The following ADCY9 variants were observed in gnomAD, a reference collection of about 807,000 sequenced individuals.
ADCY9 encodes the protein adenylate cyclase type 9.
In ADCY9, 50 loss-of-function variants were observed where a neutral mutation model predicts 101.5. The ratio of observed to expected loss-of-function variants is 0.49; its 90% CI spans 0.39 to 0.62. The LOEUF is 0.62. ADCY9 is among the 20% of genes least tolerant of loss of function. The pLI is 0.00. For missense variants in ADCY9, 1,662 were observed against 1,800.4 expected (o/e 0.92, Z 1.39); for synonymous variants, 905 against 769.3 (o/e 1.18, Z -2.92).
At chr16:4,085,299 T>C (rs773377920) in intron 2 of ADCY9, among the ~76,000 whole-genome samples, 2 of 151,792 alleles carry the variant, frequency 1.3e-5, no homozygotes, top group Non-Finnish European at 2.9e-5. Flanking sequence ...GACGCAGAGA[T>C]TGCCATGAGC....
intron 2 of ADCY9, among the ~76,000 whole-genome samples, chr16:4,097,543 ATATATATATATTTTTT>A (rs1375589421): frequency 1.9e-5 from 1 of 52,404 alleles, no homozygotes; most frequent in African/African-American, 8.8e-5. Context: ...ATATATATAT[ATATATATATATTTTTT>A]TTTTTTTTTT....
chr16:4,074,589 C>T (rs6500578), intron 2 of ADCY9, among the ~76,000 whole-genome samples: 97,814 of 150,682 alleles, frequency 0.65, 33,750 homozygotes, highest in East Asian at 0.9. Flanking sequence ...TGGTGGTGTA[C>T]GCCTATATTC....
rs1034731992 is a variant in ADCY9, at chr16:3,997,161, G to A, written c.1885-3651C>T. Among the ~76,000 whole-genome samples the A allele has an allele frequency of 5.9e-5, 9 of 152,188 alleles. No individual in the cohort carries two copies. The East Asian group carries it at 9.6e-4, about 16-fold the overall frequency. On this transcript the variant is annotated intron_variant, in intron 3 of 10. Transcript: ENST00000294016. ...ATTACAGGCGTGAGCCACCGTGCCCGGCCAACCCTCCTGTGCTTTAAGACG... is the reference window on the plus strand; with the variant it reads ...ATTACAGGCGTGAGCCACCGTGCCCAGCCAACCCTCCTGTGCTTTAAGACG...
chr16:4,085,286 T>C (rs2056930593), intron 2 of ADCY9, among the ~76,000 whole-genome samples: 1 of 152,008 alleles, frequency 6.6e-6, no homozygotes, highest in Non-Finnish European at 1.5e-5. Flanking sequence ...CACTTAAGCC[T>C]GGGACGCAGA....
At chr16:3,967,689 C>T (rs1051077638) in intron 10 of ADCY9, among the ~76,000 whole-genome samples, 27 of 145,278 alleles carry the variant, frequency 1.9e-4, no homozygotes, top group African/African-American at 6.9e-4. Flanking sequence ...TGTGCTTGGC[C>T]TAACATCTTT....
Position 4,010,421 on chromosome 16 carries a change from C to T in ADCY9, c.1694-2863G>A, listed in dbSNP as rs111998218. On this transcript the variant is annotated intron_variant, in intron 2 of 10. Coordinates refer to ENST00000294016, the MANE Select transcript of ADCY9 (RefSeq NM_001116.4). ...CACGGGGAGCACGGAGTGGCAGCGG[C>T]GGCCTCTGCTCACAAGCTGGGCACG... Among the ~76,000 whole-genome samples, 21 of 152,356 alleles carry T rather than the reference C, an allele frequency of 1.4e-4. 2 individuals are homozygous for T. Among genetic ancestry groups the T allele is most frequent in the African/African-American group, 4.8e-4 (20 of 41,590 alleles).
intron 2 of ADCY9, among the ~76,000 whole-genome samples, chr16:4,113,383 A>T (rs1320410135): frequency 6.6e-6 from 1 of 152,206 alleles, no homozygotes; most frequent in Non-Finnish European, 1.5e-5. Context: ...AGGGTGACCA[A>T]ATGAATGCAA....
In ADCY9 at chr16:4,115,082, A is replaced by C; in HGVS notation, c.361T>G (p.Phe121Val). ...QTQRRFRYAL[F>V]YIGFACLLWS... The stretch of plus-strand genomic sequence containing the variant: ...AGAAGGCAGGCGAAGCCGATGTAGA[A>C]GAGCGCATACCGGAACCGGCGCTGG... Residue 121 changes from phenylalanine (F) to valine (V), a missense_variant, in exon 2 of 11, where the codon TTC (phenylalanine) becomes GTC (valine). By Grantham distance (50) the Phe-to-Val change is conservative (BLOSUM62 -1). Coordinates refer to ENST00000294016, the MANE Select transcript of ADCY9 (RefSeq NM_001116.4). The surrounding 1 kb of genome is among the most constrained non-coding windows in gnomAD (Gnocchi z 6.2). The C allele has an allele frequency of 1.9e-6, 3 of 1,614,042 alleles. No individual in the cohort carries two copies. Among genetic ancestry groups the C allele is most frequent in the Non-Finnish European group, 2.5e-6 (3 of 1,180,040 alleles).
intron 3 of ADCY9, 56 bp downstream of exon 3, chr16:4,007,312 A>C: frequency 5.3e-4 from 687 of 1,296,954 alleles, no homozygotes; most frequent in Non-Finnish European, 6.5e-4. Context: ...CACGTGCTCT[A>C]CTGCAGAATT....
chr16:4,066,289 T>G (rs2056800830), intron 2 of ADCY9, among the ~76,000 whole-genome samples: 1 of 152,214 alleles, frequency 6.6e-6, no homozygotes, highest in Non-Finnish European at 1.5e-5. Context: ...AAAACACTTA[T>G]TTTTCTCATT....
At chr16:4,025,114 G>A (rs1484805998) in intron 2 of ADCY9, among the ~76,000 whole-genome samples, 4 of 152,160 alleles carry the variant, frequency 2.6e-5, no homozygotes, top group Non-Finnish European at 5.9e-5. Context: ...TGTAATCCCA[G>A]CACTTTGAGA....
intron 2 of ADCY9, among the ~76,000 whole-genome samples, chr16:4,026,761 G>C (rs1031214705): frequency 6.6e-6 from 1 of 152,170 alleles, no homozygotes; most frequent in Non-Finnish European, 1.5e-5. Flanking sequence ...ATGCTGTGTG[G>C]TTCCATTTTA....
chr16:4,113,193 A>G (rs928950378), intron 2 of ADCY9, among the ~76,000 whole-genome samples: 25 of 152,080 alleles, frequency 1.6e-4, no homozygotes, highest in African/African-American at 6.0e-4. Flanking sequence ...AAAGACCTAG[A>G]TAAAAGACAG....
chr16:3,974,375 C>T (rs1422205165), intron 10 of ADCY9, among the ~76,000 whole-genome samples: 8 of 152,148 alleles, frequency 5.3e-5, no homozygotes, highest in Non-Finnish European at 1.2e-4. Context: ...AAATATTTTA[C>T]AAAATAACTT....
chr16:4,066,329 T>A (rs974437547), intron 2 of ADCY9, among the ~76,000 whole-genome samples: 1 of 152,204 alleles, frequency 6.6e-6, no homozygotes, highest in African/African-American at 2.4e-5. Flanking sequence ...CTTTTCCCAC[T>A]CCTTGAGTAT....
At chr16:3,972,096 A>G (rs1210246078) in intron 10 of ADCY9, among the ~76,000 whole-genome samples, 1 of 152,240 alleles carries the variant, frequency 6.6e-6, no homozygotes, top group Non-Finnish European at 1.5e-5. Flanking sequence ...AGGCATCTGT[A>G]AGAAACAGGT....
At chr16:3,958,065 G>A (rs2055917156), downstream of ADCY9, among the ~76,000 whole-genome samples, 2 of 152,158 alleles carry the variant, frequency 1.3e-5, no homozygotes, top group Admixed American at 1.3e-4. Context: ...GGCTGGGGGG[G>A]ATTGGCAGAG....
chr16:4,015,566 G>A (rs1173085941), intron 2 of ADCY9: 1 of 152,108 alleles, frequency 6.6e-6, no homozygotes, highest in African/African-American at 2.4e-5. Flanking sequence ...ACTTACCGAA[G>A]GTTAGGATCT....
intron 10 of ADCY9, among the ~76,000 whole-genome samples, chr16:3,971,785 T>C (rs893697015): frequency 6.6e-6 from 1 of 152,056 alleles, no homozygotes; most frequent in Non-Finnish European, 1.5e-5. Flanking sequence ...ATCCCCATTA[T>C]GTGCAGGGGG....
Sources: allele counts gnomAD v4.1 joint callset (sites outside exome capture counted in the v4.1 genomes callset), GRCh38; gene constraint gnomAD v4.1.1; non-coding constraint Gnocchi (gnomAD v3.1); transcripts MANE v1.5; gene names NCBI Gene and HGNC (gene_info 2026-07-23, HGNC 2026-07-21).